The following ROBO1 variants were observed in gnomAD, a reference collection of about 807,000 sequenced individuals.
ROBO1 encodes roundabout guidance receptor 1, also known as roundabout homolog 1.
ROBO1 carries 149 observed loss-of-function variants against 195.9 expected under a neutral mutation model. That is an observed-to-expected ratio of 0.76 (90% confidence interval 0.67 to 0.87). The LOEUF is 0.87. Ranked by LOEUF, ROBO1 falls within the 40% of genes least tolerant of loss-of-function variation. ROBO1 has a pLI of 0.00. For synonymous variants in ROBO1, 816 were observed against 733.2 expected (o/e 1.11, Z -1.82); for missense variants, 1,933 against 2,068.3 (o/e 0.93, Z 1.27).
At position 78,659,711 on chromosome 3, in the gene ROBO1, T is replaced by C; in HGVS notation, c.2417A>G (p.Gln806Arg). The change falls in exon 17 of 31, where the codon CAA becomes CGA. Residue 806 changes from glutamine (Q) to arginine (R), a missense_variant. Around this residue, in one of 3 missense-constraint regions of ROBO1, gnomAD observed 1,737 missense variants for 1,882.5 expected, o/e 0.92. Coordinates refer to ENST00000464233, the MANE Select transcript of ROBO1 (RefSeq NM_002941.4). ...CTTATACTCTTGGACCATTCCATTT[T>C]GAGTGTCTTCTGGAGGTGGCTGCCA... ...VSWQPPPEDT[Q>R]NGMVQEYKVW... 1 of 1,558,446 alleles carries C rather than the reference T, an allele frequency of 6.4e-7. No individual in the cohort carries two copies.
chr3:79,498,863 GAAAAAAAAAAGATTT>G (rs1939896649), intron 2 of ROBO1, among the ~76,000 whole-genome samples: 3 of 142,842 alleles, frequency 2.1e-5, no homozygotes, highest in Non-Finnish European at 4.6e-5. Flanking sequence ...CAGAAAAAAA[GAAAAAAAAAAGATTT>G]GTGATTCCAC....
chr3:79,438,399 G>A (rs1005355696), intron 2 of ROBO1, among the ~76,000 whole-genome samples: 1 of 151,836 alleles, frequency 6.6e-6, no homozygotes, highest in African/African-American at 2.4e-5. Context: ...GCCCAAGTGC[G>A]CTTTTGTAAA....
chr3:79,321,902 A>G (rs2033996580), intron 2 of ROBO1, among the ~76,000 whole-genome samples: 1 of 152,172 alleles, frequency 6.6e-6, no homozygotes, highest in Admixed American at 6.6e-5. Context: ...TAGCTGAGGT[A>G]AGTAGTTTCA....
At position 78,714,479 on chromosome 3, in the gene ROBO1, T is replaced by G. The variant is rs777360522; in HGVS notation, c.963A>C (p.Thr321=). ...AAGTGTATGAACCCATGTCACCAGCTGTCACCTTCCTAATTTTCAAGGTAT... is the reference window on the plus strand; with the variant it reads ...AAGTGTATGAACCCATGTCACCAGCGGTCACCTTCCTAATTTTCAAGGTAT... ...DDHTLKIRKV[T]AGDMGSYTCV... is the part of the protein sequence containing the mutation. Residue 321 remains threonine (T), a synonymous_variant, in exon 8 of 31, where the codon ACA becomes ACC. Transcript: ENST00000464233. 6.2e-7 allele frequency: 1 copy of G among 1,613,064 alleles called. No individual in the cohort carries two copies. The highest frequency in any genetic ancestry group is 8.5e-7 in the Non-Finnish European group (1 of 1,179,432).
intron 3 of ROBO1, among the ~76,000 whole-genome samples, chr3:79,094,136 A>G (rs2079524987): frequency 6.6e-6 from 1 of 152,124 alleles, no homozygotes; most frequent in Admixed American, 6.6e-5. Flanking sequence ...AGAAGAACCA[A>G]GATTACGTAA....
chr3:79,364,251 T>TAC (rs1553726921), intron 2 of ROBO1, among the ~76,000 whole-genome samples: 5,082 of 148,576 alleles, frequency 0.034, 215 homozygotes, highest in African/African-American at 0.1. Flanking sequence ...TATATATATA[T>TAC]ACATATATAT....
chr3:79,505,420 A>G (rs1940338668), intron 2 of ROBO1, among the ~76,000 whole-genome samples: 1 of 152,218 alleles, frequency 6.6e-6, no homozygotes, highest in African/African-American at 2.4e-5. Context: ...ACAAAGCAGA[A>G]GTCTAAAACT....
intron 2 of ROBO1, among the ~76,000 whole-genome samples, chr3:79,367,375 C>A (rs987561379): frequency 6.6e-6 from 1 of 152,144 alleles, no homozygotes; most frequent in East Asian, 1.9e-4. Context: ...ACAATTTCTG[C>A]AGTTAGAATT....
rs530430043 is a variant in ROBO1, at chr3:78,695,175, G to A, written c.1046-6403C>T. Among the ~76,000 whole-genome samples, 18 of 151,206 alleles carry A rather than the reference G, an allele frequency of 1.2e-4. No homozygotes were observed. In the East Asian group the frequency reaches 2.2e-3, roughly 18 times the overall value. ...AGGAGATACACCTAATGTAAATGACGAGTTAATGGGTGCAGCACACCATCA... is the reference window on the plus strand; with the variant it reads ...AGGAGATACACCTAATGTAAATGACAAGTTAATGGGTGCAGCACACCATCA... On this transcript the variant is annotated intron_variant, in intron 8 of 30. Transcript: ENST00000464233.
chr3:78,761,122 T>C (rs1286530528), intron 4 of ROBO1, among the ~76,000 whole-genome samples: 1 of 152,154 alleles, frequency 6.6e-6, no homozygotes, highest in Non-Finnish European at 1.5e-5. Context: ...GAGGGCCAAA[T>C]GCTTTCTCTG....
intron 1 of ROBO1, among the ~76,000 whole-genome samples, chr3:79,647,747 G>A (rs1402664731): frequency 6.6e-6 from 1 of 152,086 alleles, no homozygotes; most frequent in Admixed American, 6.6e-5. Context: ...GAAGATGGGA[G>A]AGAACCTCTT....
chr3:79,110,447 C>A (rs73124702), intron 3 of ROBO1, among the ~76,000 whole-genome samples: 1,615 of 151,774 alleles, frequency 0.011, 19 homozygotes, highest in Non-Finnish European at 0.017. Context: ...TTTCTTTCTC[C>A]AGCGATTTTG....
At chr3:78,886,628 TTA>T (rs150940618) in intron 4 of ROBO1, among the ~76,000 whole-genome samples, 6,682 of 152,030 alleles carry the variant, frequency 0.044, 276 homozygotes, top group African/African-American at 0.12. Flanking sequence ...CACTTGTAAA[TTA>T]TGTTACCAGA....
At chr3:78,946,897 A>C (rs1423675271) in intron 3 of ROBO1, among the ~76,000 whole-genome samples, 1 of 152,198 alleles carries the variant, frequency 6.6e-6, no homozygotes, top group East Asian at 1.9e-4. Context: ...AACAGACTTT[A>C]AACCAACAAA....
chr3:78,730,904 A>C (rs1042875300), intron 5 of ROBO1, among the ~76,000 whole-genome samples: 1 of 152,204 alleles, frequency 6.6e-6, no homozygotes, highest in Non-Finnish European at 1.5e-5. Context: ...CGACCTTAGA[A>C]AGACAGGTCT....
At chr3:79,727,131 G>T (rs1702957759) in intron 1 of ROBO1, among the ~76,000 whole-genome samples, 1 of 152,172 alleles carries the variant, frequency 6.6e-6, no homozygotes, top group African/African-American at 2.4e-5. Context: ...AGGATGGGAA[G>T]AACTCAGTGT....
intron 2 of ROBO1, among the ~76,000 whole-genome samples, chr3:79,370,462 A>G (rs1577032083): frequency 6.6e-6 from 1 of 152,166 alleles, no homozygotes; most frequent in South Asian, 2.1e-4. Flanking sequence ...TAAGACAATT[A>G]TTATACAACA....
chr3:78,986,697 T>C (rs1388828453), intron 3 of ROBO1, among the ~76,000 whole-genome samples: 1 of 152,152 alleles, frequency 6.6e-6, no homozygotes, highest in Non-Finnish European at 1.5e-5. Context: ...CTGAAGAACA[T>C]GTATAGAAGG....
chr3:79,203,826 C>T (rs2081813588), intron 2 of ROBO1, among the ~76,000 whole-genome samples: 1 of 152,138 alleles, frequency 6.6e-6, no homozygotes, highest in Non-Finnish European at 1.5e-5. Flanking sequence ...ATAGTAACAT[C>T]ATCGGTGGTG....
Sources: gnomAD v4.1 joint callset for allele counts (sites outside exome capture counted in the v4.1 genomes callset) on GRCh38, gnomAD v4.1.1 for gene constraint, gnomAD v4.1.1 regional missense constraint, MANE v1.5 for transcripts, NCBI Gene and HGNC (gene_info 2026-07-23, HGNC 2026-07-21) for gene names.